RAPGEF4: variants seen among roughly 807,000 people sequenced by gnomAD.
RAPGEF4 encodes Rap guanine nucleotide exchange factor 4.
A neutral mutation model predicts 147.9 loss-of-function variants in RAPGEF4; 66 were observed. That is an observed-to-expected ratio of 0.45 (90% confidence interval 0.37 to 0.55). The LOEUF is 0.55. Among genes scored for constraint, RAPGEF4 ranks in the 20% least tolerant of loss-of-function variants. The pLI is 0.00. For synonymous variants in RAPGEF4, 419 were observed against 442.7 expected, an observed-to-expected ratio of 0.95 and a Z score of 0.67; for missense variants, 1,071 against 1,257.3, an observed-to-expected ratio of 0.85 and a Z score of 2.24.
At chr2:172,944,535 G>T (rs1687492212) in intron 6 of RAPGEF4, among the ~76,000 whole-genome samples, 1 of 152,138 alleles carries the variant, frequency 6.6e-6, no homozygotes, top group African/African-American at 2.4e-5. Context: ...CTGTTTCATG[G>T]CTGCAAAACC....
chr2:172,891,428 A>G (rs1697899120), intron 4 of RAPGEF4, among the ~76,000 whole-genome samples: 2 of 152,192 alleles, frequency 1.3e-5, no homozygotes, highest in South Asian at 4.1e-4. Context: ...TCCTTTTAAA[A>G]AGACATTTTC....
chr2:172,901,555 T>G (rs556793323), intron 4 of RAPGEF4, among the ~76,000 whole-genome samples: 2 of 152,348 alleles, frequency 1.3e-5, no homozygotes, highest in African/African-American at 4.8e-5. Flanking sequence ...AATGTGCCCT[T>G]TGGCAGAATC....
chr2:172,753,279 A>G (rs1695458752), intron 1 of RAPGEF4, among the ~76,000 whole-genome samples: 1 of 152,188 alleles, frequency 6.6e-6, no homozygotes, highest in African/African-American at 2.4e-5. Flanking sequence ...GGTATTGATG[A>G]GAAGGGAGAG....
At chr2:172,745,563 T>C (rs181901344) in intron 1 of RAPGEF4, among the ~76,000 whole-genome samples, 1 of 152,186 alleles carries the variant, frequency 6.6e-6, no homozygotes, top group Admixed American at 6.5e-5. Flanking sequence ...TGATTTTTGC[T>C]CATTTTTTTT....
intron 13 of RAPGEF4, 22 bp downstream of exon 13, chr2:172,988,294 T>C: frequency 6.3e-7 from 1 of 1,595,416 alleles, no homozygotes; most frequent in Non-Finnish European, 8.5e-7. Flanking sequence ...TTTTTCTTTT[T>C]GAAACTTTAT....
At chr2:173,018,462 A>G (rs1042068154) in intron 21 of RAPGEF4, among the ~76,000 whole-genome samples, 194 bp from the exon 22 acceptor site, 12 of 152,220 alleles carry the variant, frequency 7.9e-5, no homozygotes, top group Admixed American at 7.9e-4. Context: ...CCATATGTGC[A>G]CCTATTCTTA....
rs60645567 is a variant in RAPGEF4, at chr2:172,787,599, CTTTATTTA to C, written c.66-7395_66-7388del. Reference sequence around the variant, plus strand: ...CTGTTTGGGCTGCTAAAACAAAGTGCTTTATTTATTTATTTATTTATTTATTTATTTAT... The same window carrying C: ...CTGTTTGGGCTGCTAAAACAAAGTGCTTTATTTATTTATTTATTTATTTAT... On this transcript the variant is annotated intron_variant, in intron 1 of 30. Transcript: ENST00000397081. 5.4e-3 allele frequency among the ~76,000 whole-genome samples: 789 copies of C among 145,428 alleles called. 9 individuals are homozygous for C. The highest frequency in any genetic ancestry group is 0.017 in the African/African-American group (682 of 39,250).
chr2:172,970,579 A>G (rs1019402343), intron 10 of RAPGEF4, among the ~76,000 whole-genome samples: 1 of 152,184 alleles, frequency 6.6e-6, no homozygotes, highest in African/African-American at 2.4e-5. Context: ...TGATTGTATA[A>G]TGAAGATGTT....
intron 4 of RAPGEF4, among the ~76,000 whole-genome samples, chr2:172,815,086 A>T (rs912687340): frequency 5.9e-5 from 9 of 152,252 alleles, no homozygotes; most frequent in African/African-American, 1.7e-4. Flanking sequence ...ATAAAGGCCC[A>T]GCTAAGCCTT....
At chr2:172,784,327 G>A (rs1205499537) in intron 1 of RAPGEF4, among the ~76,000 whole-genome samples, 1 of 152,038 alleles carries the variant, frequency 6.6e-6, no homozygotes, top group East Asian at 1.9e-4. Flanking sequence ...GACCATCTTG[G>A]CTAACACATT....
intron 10 of RAPGEF4, among the ~76,000 whole-genome samples, chr2:172,972,133 A>G (rs1434086409): frequency 6.6e-6 from 1 of 152,120 alleles, no homozygotes; most frequent in Non-Finnish European, 1.5e-5. Flanking sequence ...TGGCTGCCCT[A>G]ATGCAAGGCT....
At chr2:172,888,184 A>G (rs1697462580) in intron 4 of RAPGEF4, among the ~76,000 whole-genome samples, 1 of 152,214 alleles carries the variant, frequency 6.6e-6, no homozygotes, top group African/African-American at 2.4e-5. Flanking sequence ...TGAGAAACAC[A>G]TGCAGCAGTT....
intron 4 of RAPGEF4, among the ~76,000 whole-genome samples, chr2:172,856,164 C>T (rs1298977438): frequency 6.6e-6 from 1 of 152,094 alleles, no homozygotes; most frequent in Non-Finnish European, 1.5e-5. Flanking sequence ...TTTCTCTGTT[C>T]TTCAGATTGG....
chr2:173,025,634 G>A (rs1696589506), intron 23 of RAPGEF4, among the ~76,000 whole-genome samples: 1 of 152,142 alleles, frequency 6.6e-6, no homozygotes, highest in African/African-American at 2.4e-5. Context: ...GTAGAGACAG[G>A]GTTTCGCCAT....
intron 10 of RAPGEF4, among the ~76,000 whole-genome samples, chr2:172,971,748 A>G (rs1406078530): frequency 6.7e-6 from 1 of 149,726 alleles, no homozygotes; most frequent in Non-Finnish European, 1.5e-5. Flanking sequence ...ACGTACACAC[A>G]TACCCCATTT....
At chr2:173,041,796 G>T (rs1003592907) in intron 29 of RAPGEF4, among the ~76,000 whole-genome samples, 20 of 152,136 alleles carry the variant, frequency 1.3e-4, no homozygotes, top group Non-Finnish European at 2.5e-4. Flanking sequence ...TGGCCTCAGG[G>T]TTTTTTGTAC....
intron 6 of RAPGEF4, among the ~76,000 whole-genome samples, chr2:172,938,966 A>T (rs187470317): frequency 1.3e-5 from 2 of 152,342 alleles, no homozygotes; most frequent in Non-Finnish European, 2.9e-5. Flanking sequence ...TATGCACTTA[A>T]GATTCAATGT....
At chr2:172,988,475 T>C (rs1290392853) in intron 13 of RAPGEF4, among the ~76,000 whole-genome samples, 1 of 152,200 alleles carries the variant, frequency 6.6e-6, no homozygotes, top group Non-Finnish European at 1.5e-5. Context: ...TGTCTCCTGA[T>C]GGATTATAGT....
chr2:173,023,575 G>A (rs775400386), intron 23 of RAPGEF4, among the ~76,000 whole-genome samples: 31 of 152,292 alleles, frequency 2.0e-4, no homozygotes, highest in Non-Finnish European at 4.0e-4. Flanking sequence ...GCCCTACGCC[G>A]GGAGAGAGAC....
Sources: gnomAD v4.1 joint callset for allele counts (sites outside exome capture counted in the v4.1 genomes callset) on GRCh38, gnomAD v4.1.1 for gene constraint, MANE v1.5 for transcripts, NCBI Gene and HGNC (gene_info 2026-07-23, HGNC 2026-07-21) for gene names.